The following SASH1 variants were observed in gnomAD, a reference collection of about 807,000 sequenced individuals.
SASH1 encodes the protein SAM and SH3 domain-containing protein 1.
In SASH1, 44 loss-of-function variants were observed where a neutral mutation model predicts 125.2. That is an observed-to-expected ratio of 0.35 (90% CI 0.28 to 0.45). The LOEUF (loss-of-function observed/expected upper bound fraction) is 0.45, where lower values mean the gene tolerates loss of function less well. Ranked by LOEUF, SASH1 falls within the 20% of genes least tolerant of loss-of-function variation. SASH1 has a pLI of 1.00. For synonymous variants in SASH1, 639 were observed against 649.1 expected (o/e 0.98, Z 0.24); for missense variants, 1,426 against 1,614.5 (o/e 0.88, Z 2.00).
chr6:148,280,396 A>G (rs1779306404), intron 1 of SASH1: 1 of 152,134 alleles, frequency 6.6e-6, no homozygotes, highest in South Asian at 2.1e-4. Context: ...CTGGTCCACA[A>G]ATGGATATAA....
the SASH1 span, among the ~76,000 whole-genome samples, chr6:148,245,714 G>A: frequency 6.6e-6 from 1 of 152,186 alleles, no homozygotes; most frequent in Non-Finnish European, 1.5e-5. Flanking sequence ...GGGGCCAGGT[G>A]CGGTGGCTCG....
the SASH1 span, among the ~76,000 whole-genome samples, chr6:148,255,880 A>C: frequency 5.5e-4 from 83 of 152,224 alleles, 2 homozygotes; most frequent in East Asian, 0.015. Flanking sequence ...GGACTCAAGC[A>C]ATCTACCCGC....
At chr6:148,425,229 C>T (rs901503176) in intron 2 of SASH1, among the ~76,000 whole-genome samples, 33 of 152,060 alleles carry the variant, frequency 2.2e-4, no homozygotes, top group African/African-American at 3.4e-4. Flanking sequence ...CAAGGCTGCA[C>T]GCAAGAACTT....
intron 1 of SASH1, among the ~76,000 whole-genome samples, chr6:148,363,338 C>T (rs1782321340): frequency 1.3e-5 from 2 of 151,796 alleles, no homozygotes; most frequent in Non-Finnish European, 2.9e-5. Context: ...GACAGGGTTT[C>T]ACCATGTTGC....
chr6:148,441,857 C>T (rs1051881047), intron 4 of SASH1, among the ~76,000 whole-genome samples: 1 of 152,162 alleles, frequency 6.6e-6, no homozygotes, highest in African/African-American at 2.4e-5. Context: ...TGTGGCATGG[C>T]TCTTGTGGCT....
rs1177228381 is a variant in SASH1 at position 148,527,444 on chromosome 6, G to A, written c.1285-9G>A. Reference sequence around the variant, plus strand: ...CGACCAACAATACTTGCAACATTTTGTTTTACAGGGTAAAGAAGGAGACTT... The same window carrying A: ...CGACCAACAATACTTGCAACATTTTATTTTACAGGGTAAAGAAGGAGACTT... On this transcript the variant is annotated splice_polypyrimidine_tract_variant and intron_variant, in intron 11 of 19. Coordinates refer to ENST00000367467, the MANE Select transcript of SASH1 (RefSeq NM_015278.5). The A allele has an allele frequency of 6.4e-7, 1 of 1,565,032 alleles. No homozygotes were observed. Among genetic ancestry groups the A allele is most frequent in the Non-Finnish European group, 8.6e-7 (1 of 1,162,124 alleles).
At chr6:148,470,490 ACACCG>A (rs1778048679) in intron 5 of SASH1, among the ~76,000 whole-genome samples, 1 of 152,196 alleles carries the variant, frequency 6.6e-6, no homozygotes, top group Non-Finnish European at 1.5e-5. Flanking sequence ...ACGATGGCAG[ACACCG>A]CTGCTGCTGC....
chr6:148,332,329 G>T (rs976659584), intron 1 of SASH1, among the ~76,000 whole-genome samples: 1 of 152,142 alleles, frequency 6.6e-6, no homozygotes, highest in Non-Finnish European at 1.5e-5. Flanking sequence ...CTGACTGTAG[G>T]CAAAAATTAA....
rs772090257 is a variant in SASH1 at position 148,343,112 on chromosome 6, CGAGCCCGAGCCG to C, written c.57_68del (p.Glu20_Pro23del). On this transcript the variant is annotated inframe_deletion, in exon 1 of 20. Transcript: ENST00000367467. ...CTGGCCCGGGGCCGGAGCCTGAGCC[CGAGCCCGAGCCG>C]GAGCCCGAGCCCGCGCCGGAGCCGG... 6.1e-5 allele frequency: 96 copies of C among 1,583,196 alleles called. No individual in the cohort carries two copies. The African/African-American group carries it at 8.3e-4, about 14-fold the overall frequency.
chr6:148,219,098 C>T, the SASH1 span, among the ~76,000 whole-genome samples: 1 of 152,130 alleles, frequency 6.6e-6, no homozygotes, highest in African/African-American at 2.4e-5. Flanking sequence ...AAAACATGCC[C>T]ACGCAGCATC....
At chr6:148,241,839 TGTAGGGATTCCA>T in the SASH1 span, among the ~76,000 whole-genome samples, 1 of 152,190 alleles carries the variant, frequency 6.6e-6, no homozygotes, top group Non-Finnish European at 1.5e-5. Flanking sequence ...GTATGACTGT[TGTAGGGATTCCA>T]GTAGATCATA....
chr6:148,394,599 TTAA>T (rs1424258566), intron 2 of SASH1, among the ~76,000 whole-genome samples: 2 of 152,180 alleles, frequency 1.3e-5, no homozygotes, highest in Admixed American at 6.5e-5. Context: ...GACCTGCAGC[TTAA>T]TAATTTTTTT....
At chr6:148,217,020 C>T in the SASH1 span, among the ~76,000 whole-genome samples, 5 of 152,144 alleles carry the variant, frequency 3.3e-5, no homozygotes, top group Non-Finnish European at 7.4e-5. Context: ...AGCCACCATG[C>T]CTGGCCTAAT....
At chr6:148,466,243 T>C (rs1393478981) in intron 4 of SASH1, among the ~76,000 whole-genome samples, 2 of 152,198 alleles carry the variant, frequency 1.3e-5, no homozygotes, top group African/African-American at 2.4e-5. Flanking sequence ...TCTCTAGCGG[T>C]TTCTCCCCTG....
intron 12 of SASH1, among the ~76,000 whole-genome samples, chr6:148,528,058 G>A (rs1372532116): frequency 6.7e-6 from 1 of 149,238 alleles, no homozygotes; most frequent in Non-Finnish European, 1.5e-5. Flanking sequence ...GCCAGTCTAA[G>A]AAATAAACTC....
At chr6:148,352,893 C>T (rs909306773) in intron 1 of SASH1, among the ~76,000 whole-genome samples, 3 of 152,002 alleles carry the variant, frequency 2.0e-5, no homozygotes, top group African/African-American at 7.2e-5. Flanking sequence ...TTGCTTGAAC[C>T]TGGGAGGTGG....
intron 4 of SASH1, among the ~76,000 whole-genome samples, chr6:148,463,385 T>C (rs2115089503): frequency 6.6e-6 from 1 of 152,270 alleles, no homozygotes; most frequent in East Asian, 1.9e-4. Context: ...CCTCAGGTGA[T>C]CCACCCGTCT....
chr6:148,376,158 C>T (rs1782882978), intron 1 of SASH1, among the ~76,000 whole-genome samples: 1 of 152,154 alleles, frequency 6.6e-6, no homozygotes, highest in Non-Finnish European at 1.5e-5. Context: ...CCCCTGCCTT[C>T]TGGATTCAAG....
At chr6:148,348,947 A>C (rs1357504627) in intron 1 of SASH1, among the ~76,000 whole-genome samples, 2 of 152,258 alleles carry the variant, frequency 1.3e-5, no homozygotes, top group Non-Finnish European at 2.9e-5. Flanking sequence ...ACTCAGGATC[A>C]GCAACCCAGG....
Sources: gnomAD v4.1 joint callset for allele counts (sites outside exome capture counted in the v4.1 genomes callset) on GRCh38, gnomAD v4.1.1 for gene constraint, MANE v1.5 for transcripts, NCBI Gene and HGNC (gene_info 2026-07-23, HGNC 2026-07-21) for gene names.